P2RY8: variants seen among roughly 807,000 people sequenced by gnomAD.
P2RY8 encodes the protein P2Y receptor family member 8.
Under a neutral mutation model 10.0 loss-of-function variants are expected in P2RY8, and 6 were observed. The observed-to-expected ratio is 0.60, with a 90% CI of 0.33 to 1.19. The LOEUF is 1.19. Among genes scored for constraint, P2RY8 ranks in the 50% most tolerant of loss-of-function variants. P2RY8 has a pLI of 0.04. For synonymous variants in P2RY8, 276 were observed against 252.5 expected, an observed-to-expected ratio of 1.09 and a Z score of -0.88; for missense variants, 456 against 542.0, an observed-to-expected ratio of 0.84 and a Z score of 1.58.
rs1363967541 is a variant in P2RY8, at chrX:1,472,466, G to C, written c.-24-5884C>G. On this transcript the variant is annotated intron_variant, in intron 1 of 1. Transcript: ENST00000381297. Reference sequence around the variant, plus strand: ...TGGATGGGTGGGTGAGTGGATGAGTGCATGGGTGGGCAGATGGGTGGGTGG... The same window carrying C: ...TGGATGGGTGGGTGAGTGGATGAGTCCATGGGTGGGCAGATGGGTGGGTGG... Among the ~76,000 whole-genome samples the C allele has an allele frequency of 3.7e-5, 5 of 136,298 alleles. No individual in the cohort carries two copies. In the East Asian group the frequency reaches 1.1e-3, roughly 30 times the overall value. 89.4% of individuals were successfully genotyped at this position (136,298 alleles called of 152,430 possible). A position where few individuals can be genotyped will look rare whatever the true frequency, so the allele number is the denominator to read the frequency against.
At chrX:1,476,797 T>C (rs1243433262) in intron 1 of P2RY8, among the ~76,000 whole-genome samples, 1 of 151,906 alleles carries the variant, frequency 6.6e-6, no homozygotes, top group Admixed American at 6.6e-5. Context: ...GGGATGGTGC[T>C]CAACACCCTA....
At chrX:1,493,422 AAGGAGGAGGGAG>A (rs2092080966) in intron 1 of P2RY8, among the ~76,000 whole-genome samples, 1 of 39,542 alleles carries the variant, frequency 2.5e-5, no homozygotes, top group Admixed American at 3.4e-4. Flanking sequence ...AGGAAGGAGG[AAGGAGGAGGGAG>A]GGAAGGAGGA....
chrX:1,508,887 T>A (rs2092261499), intron 1 of P2RY8, among the ~76,000 whole-genome samples: 1 of 136,422 alleles, frequency 7.3e-6, no homozygotes, highest in African/African-American at 2.8e-5. Flanking sequence ...CCATCTATTC[T>A]ATCATCTATG....
intron 1 of P2RY8, among the ~76,000 whole-genome samples, chrX:1,469,512 T>C (rs2091755227): frequency 6.6e-6 from 1 of 152,068 alleles, no homozygotes; most frequent in Non-Finnish European, 1.5e-5. Context: ...TGCACACCTG[T>C]CTGGCAGCAA....
At chrX:1,469,846 C>G (rs1482368294) in intron 1 of P2RY8, among the ~76,000 whole-genome samples, 1 of 151,998 alleles carries the variant, frequency 6.6e-6, no homozygotes, top group Non-Finnish European at 1.5e-5. Context: ...TTGCAGTGAG[C>G]CGAGATCGCA....
intron 1 of P2RY8, among the ~76,000 whole-genome samples, chrX:1,476,109 G>A (rs1207282038): frequency 5.3e-5 from 8 of 152,270 alleles, no homozygotes; most frequent in Non-Finnish European, 1.2e-4. Flanking sequence ...TCCAGCTCCA[G>A]GAGGGAGGAG....
At chrX:1,497,894 T>G (rs772504951) in intron 1 of P2RY8, among the ~76,000 whole-genome samples, 2 of 151,534 alleles carry the variant, frequency 1.3e-5, no homozygotes, top group East Asian at 3.9e-4. Context: ...CAGGAAGCTG[T>G]GAGTATTTGG....
At chrX:1,487,775 C>G (rs1200292578) in intron 1 of P2RY8, among the ~76,000 whole-genome samples, 1 of 152,134 alleles carries the variant, frequency 6.6e-6, no homozygotes, top group Non-Finnish European at 1.5e-5. Context: ...GCATTTGCAC[C>G]TGCTCTTTGC....
rs2092287229 is a variant in P2RY8 at position 1,509,991 on chromosome X, TG to T, written c.-25+26929del. 3.9e-5 allele frequency among the ~76,000 whole-genome samples: 6 copies of T among 151,922 alleles called. No homozygotes were observed. The South Asian group carries it at 1.2e-3, about 32-fold the overall frequency. On this transcript the variant is annotated intron_variant, in intron 1 of 1. Coordinates refer to ENST00000381297, the MANE Select transcript of P2RY8 (RefSeq NM_178129.5). ...CATCCATCCATCCATCCATCATCTA[TG>T]TATCTATGTATCTATCCATTCATTG...
At chrX:1,475,826 T>C (rs2091867300) in intron 1 of P2RY8, among the ~76,000 whole-genome samples, 1 of 152,136 alleles carries the variant, frequency 6.6e-6, no homozygotes, top group South Asian at 2.1e-4. Context: ...CTTTCTTTGG[T>C]TGACTTACTG....
At chrX:1,523,529 G>A (rs1255996662) in intron 1 of P2RY8, among the ~76,000 whole-genome samples, 1 of 152,130 alleles carries the variant, frequency 6.6e-6, no homozygotes, top group Non-Finnish European at 1.5e-5. Context: ...CCAGAGGGAG[G>A]AGGGAAGGGA....
chrX:1,478,527 G>A (rs1424076599), intron 1 of P2RY8, among the ~76,000 whole-genome samples: 1 of 151,940 alleles, frequency 6.6e-6, no homozygotes, highest in African/African-American at 2.4e-5. Context: ...TGTCCAGGCT[G>A]GAGTGAAGTG....
intron 1 of P2RY8, among the ~76,000 whole-genome samples, chrX:1,509,376 C>CTATA (rs1351817673): frequency 1.4e-4 from 6 of 43,578 alleles, no homozygotes; most frequent in African/African-American, 3.2e-4. Context: ...TCCATCTATT[C>CTATA]TATCTATCTA....
At chrX:1,492,765 C>T (rs2092065816) in intron 1 of P2RY8, among the ~76,000 whole-genome samples, 1 of 152,048 alleles carries the variant, frequency 6.6e-6, no homozygotes, top group South Asian at 2.1e-4. Flanking sequence ...GTCCTAGTTC[C>T]AGAGAGAGGG....
intron 1 of P2RY8, among the ~76,000 whole-genome samples, chrX:1,500,558 C>CCT (rs2092168193): frequency 6.6e-6 from 1 of 152,036 alleles, no homozygotes; most frequent in Non-Finnish European, 1.5e-5. Flanking sequence ...GATTCTCCTG[C>CCT]CTCAGCCTCC....
At chrX:1,516,007 AC>A (rs1394938167) in intron 1 of P2RY8, among the ~76,000 whole-genome samples, 1 of 105,396 alleles carries the variant, frequency 9.5e-6, no homozygotes, top group Non-Finnish European at 1.9e-5. Flanking sequence ...ATATGGTGAA[AC>A]CCTGTCTCTA....
chrX:1,491,749 G>T (rs2092053477), intron 1 of P2RY8, among the ~76,000 whole-genome samples: 1 of 152,200 alleles, frequency 6.6e-6, no homozygotes, highest in African/African-American at 2.4e-5. Flanking sequence ...GCCACTCTGA[G>T]AATGCACAGC....
intron 1 of P2RY8, among the ~76,000 whole-genome samples, chrX:1,474,621 T>G (rs2091853927): frequency 1.4e-5 from 2 of 146,422 alleles, no homozygotes; most frequent in South Asian, 2.1e-4. Context: ...AGTGGGTGGG[T>G]GGATGGATGG....
At chrX:1,509,982 C>CT (rs2149403081) in intron 1 of P2RY8, among the ~76,000 whole-genome samples, 1 of 151,254 alleles carries the variant, frequency 6.6e-6, no homozygotes, top group South Asian at 2.1e-4. Context: ...TCCATCCATC[C>CT]ATCATCTATG....
Sources: gnomAD v4.1 joint callset for allele counts (sites outside exome capture counted in the v4.1 genomes callset) on GRCh38, gnomAD v4.1.1 for gene constraint, MANE v1.5 for transcripts, NCBI Gene and HGNC (gene_info 2026-07-23, HGNC 2026-07-21) for gene names.